Variants in MBD2 observed in about 807,000 individuals in gnomAD.
MBD2 encodes the protein methyl-CpG-binding domain protein 2.
In MBD2, 9 loss-of-function variants were observed where a neutral mutation model predicts 39.3. The ratio of observed to expected loss-of-function variants is 0.23; its 90% CI spans 0.14 to 0.40. The LOEUF is 0.40. Ranked by LOEUF, MBD2 falls within the 10% of genes least tolerant of loss-of-function variation. The pLI is 1.00. For missense variants in MBD2, 458 were observed against 532.6 expected (o/e 0.86, Z 1.38); for synonymous variants, 233 against 211.1 (o/e 1.10, Z -0.90).
intron 2 of MBD2, among the ~76,000 whole-genome samples, chr18:54,202,506 T>C (rs1210285551): frequency 6.6e-6 from 1 of 152,220 alleles, no homozygotes; most frequent in Non-Finnish European, 1.5e-5. Context: ...TTTTCTGCTT[T>C]ATAGAACTAT....
At chr18:54,190,607 A>C (rs1393073689) in intron 2 of MBD2, among the ~76,000 whole-genome samples, 1 of 152,196 alleles carries the variant, frequency 6.6e-6, no homozygotes, top group Non-Finnish European at 1.5e-5. Flanking sequence ...TATCATTAGA[A>C]GTGTTTTGGT....
chr18:54,180,897 C>CCTTTTTTTTTTTT (rs2086246150), intron 3 of MBD2, among the ~76,000 whole-genome samples: 11 of 105,360 alleles, frequency 1.0e-4, no homozygotes, highest in African/African-American at 3.9e-4. Flanking sequence ...TTAATTTTTT[C>CCTTTTTTTTTTTT]TTTTTCTTTT....
chr18:54,208,871 CAAGAT>C (rs2086475342), intron 1 of MBD2, among the ~76,000 whole-genome samples: 1 of 152,166 alleles, frequency 6.6e-6, no homozygotes, highest in African/African-American at 2.4e-5. Flanking sequence ...TCCCCCAAAT[CAAGAT>C]AATTTGAACT....
intron 2 of MBD2, among the ~76,000 whole-genome samples, chr18:54,194,588 A>C (rs974670032): frequency 2.7e-5 from 4 of 149,196 alleles, no homozygotes; most frequent in African/African-American, 1.0e-4. Context: ...TTAATGAAAA[A>C]AATTTTTTAA....
At chr18:54,196,302 C>T (rs2086366409) in intron 2 of MBD2, among the ~76,000 whole-genome samples, 1 of 152,036 alleles carries the variant, frequency 6.6e-6, no homozygotes, top group African/African-American at 2.4e-5. Context: ...ATACTTTGAG[C>T]TCATTAAAAA....
chr18:54,221,252 T>C (rs910920185), intron 1 of MBD2, among the ~76,000 whole-genome samples: 29 of 151,742 alleles, frequency 1.9e-4, no homozygotes, highest in Admixed American at 1.8e-3. Flanking sequence ...GGTCAGGAGA[T>C]CGAGACCATC....
intron 1 of MBD2, among the ~76,000 whole-genome samples, chr18:54,214,832 C>T (rs1350935143): frequency 1.3e-5 from 2 of 151,434 alleles, no homozygotes; most frequent in East Asian, 1.9e-4. Context: ...CTCCACGTCC[C>T]GGGTTCACGC....
chr18:54,159,663 C>A, intron 6 of MBD2, 102 bp downstream of exon 6: 1 of 1,344,202 alleles, frequency 7.4e-7, no homozygotes, highest in Non-Finnish European at 1.0e-6. Context: ...AACTGATCGC[C>A]CGCCTCAGCC....
intron 1 of MBD2, among the ~76,000 whole-genome samples, chr18:54,205,447 C>T (rs1423487660): frequency 2.0e-5 from 3 of 151,712 alleles, no homozygotes; most frequent in Non-Finnish European, 4.4e-5. Context: ...AAAAATTAGC[C>T]GGGCATGGTG....
chr18:54,206,377 A>G (rs984931648), intron 1 of MBD2, among the ~76,000 whole-genome samples: 9 of 152,242 alleles, frequency 5.9e-5, no homozygotes, highest in African/African-American at 2.2e-4. Flanking sequence ...AATGTGCTAG[A>G]ACAAAGTCAG....
At chr18:54,187,674 T>G (rs2086294359) in intron 3 of MBD2, 1 of 985,676 alleles carries the variant, frequency 1.0e-6, no homozygotes, top group Non-Finnish European at 1.2e-6. Context: ...TAAAGGCACA[T>G]GCAGGTACGC....
chr18:54,173,384 G>C (rs1055912276), intron 3 of MBD2, among the ~76,000 whole-genome samples: 1 of 152,296 alleles, frequency 6.6e-6, no homozygotes, highest in African/African-American at 2.4e-5. Flanking sequence ...TTCTAAGTGA[G>C]GGGCTCTTTT....
At chr18:54,181,682 A>G (rs907280300) in intron 3 of MBD2, among the ~76,000 whole-genome samples, 3 of 151,924 alleles carry the variant, frequency 2.0e-5, no homozygotes, top group Admixed American at 2.0e-4. Context: ...TTGTATTTTT[A>G]GTAGAGACAG....
rs1300461976 is a variant in MBD2 at position 54,154,180 on chromosome 18, C to T, written c.*1144G>A. On this transcript the variant is annotated 3_prime_UTR_variant, in exon 7 of 7. Coordinates refer to ENST00000256429, the MANE Select transcript of MBD2 (RefSeq NM_003927.5). ...TTGCTTATAACCACTCCCTCCCTTC[C>T]TTGGTATCAGATTAAGTATGTTTTG... 1 of 152,166 alleles carries T rather than the reference C, an allele frequency of 6.6e-6. No homozygotes were observed. The highest frequency in any genetic ancestry group is 2.4e-5 in the African/African-American group (1 of 41,432). 9.4% of individuals were successfully genotyped at this position (152,166 alleles called of 1,614,324 possible). A position where few individuals can be genotyped will look rare whatever the true frequency, so the allele number is the denominator to read the frequency against.
intron 6 of MBD2, among the ~76,000 whole-genome samples, chr18:54,155,681 A>G (rs1227746058): frequency 6.6e-6 from 1 of 152,242 alleles, no homozygotes; most frequent in Non-Finnish European, 1.5e-5. Flanking sequence ...ATATTTTGAG[A>G]AAATGTAGAA....
chr18:54,195,426 T>G (rs7241063), intron 2 of MBD2, among the ~76,000 whole-genome samples: 15,311 of 152,024 alleles, frequency 0.1, 2,629 homozygotes, highest in African/African-American at 0.35. Flanking sequence ...CAATTCCAAG[T>G]ATTATTCAAG....
rs1568083459 is a variant in MBD2 at position 54,180,890 on chromosome 18, A to ATTTTTTTTTTTTTTTTTTTTTTT, written c.840+7983_840+7984insAAAAAAAAAAAAAAAAAAAAAAA. ...GAACCAACAGCCTATGTATTCCTTA[A>ATTTTTTTTTTTTTTTTTTTTTTT]TTTTTTCTTTTTCTTTTTTTTTTTT... On this transcript the variant is annotated intron_variant, in intron 3 of 6. Coordinates refer to ENST00000256429, the MANE Select transcript of MBD2 (RefSeq NM_003927.5). Among the ~76,000 whole-genome samples, 4 of 114,564 alleles carry ATTTTTTTTTTTTTTTTTTTTTTT rather than the reference A, an allele frequency of 3.5e-5. 1 individual carries two copies. The highest frequency in any genetic ancestry group is 1.5e-4 in the African/African-American group (4 of 27,130). The allele number at this position is 114,564 out of a possible 152,430, so 75.2% of individuals were successfully genotyped here. A position where few individuals can be genotyped will look rare whatever the true frequency, so the allele number is the denominator to read the frequency against.
intron 2 of MBD2, among the ~76,000 whole-genome samples, chr18:54,201,266 T>G (rs982860814): frequency 6.6e-6 from 1 of 152,158 alleles, no homozygotes; most frequent in African/African-American, 2.4e-5. Flanking sequence ...TGCTGATGAC[T>G]TCCAAATCTT....
At chr18:54,185,137 A>C (rs1325523053) in intron 3 of MBD2, among the ~76,000 whole-genome samples, 1 of 152,210 alleles carries the variant, frequency 6.6e-6, no homozygotes, top group Non-Finnish European at 1.5e-5. Flanking sequence ...ACATTTACAA[A>C]ATTTATCTTT....
Sources: gnomAD v4.1 joint callset for allele counts (sites outside exome capture counted in the v4.1 genomes callset) on GRCh38, gnomAD v4.1.1 for gene constraint, MANE v1.5 for transcripts, NCBI Gene and HGNC (gene_info 2026-07-23, HGNC 2026-07-21) for gene names.